R3HDML: variants seen among roughly 807,000 people sequenced by gnomAD.
R3HDML encodes the protein R3H domain containing like.
A neutral mutation model predicts 24.2 loss-of-function variants in R3HDML; 21 were observed. The ratio of observed to expected loss-of-function variants is 0.87; its 90% CI spans 0.62 to 1.25. R3HDML has a LOEUF of 1.25. Ranked by LOEUF, R3HDML falls within the 50% of genes most tolerant of loss-of-function variation. The probability of loss-of-function intolerance (pLI) is 0.00; values close to 1 mark genes in which losing one functional copy is unlikely to be tolerated. For synonymous variants in R3HDML, 133 were observed against 131.5 expected (o/e 1.01, Z -0.08); for missense variants, 301 against 340.3 (o/e 0.88, Z 0.91).
At chr20:44,342,407 G>GC (rs2062774663) in intron 2 of R3HDML, among the ~76,000 whole-genome samples, 1 of 152,002 alleles carries the variant, frequency 6.6e-6, no homozygotes, top group African/African-American at 2.4e-5. Flanking sequence ...GCCCTACAGA[G>GC]CAGACATCGG....
chr20:44,338,074 C>T (rs1277281144), intron 1 of R3HDML, among the ~76,000 whole-genome samples: 2 of 152,158 alleles, frequency 1.3e-5, no homozygotes, highest in Admixed American at 1.3e-4. Flanking sequence ...CTCACTCCAG[C>T]CCCCAAGAAG....
In R3HDML at chr20:44,341,194, A is replaced by G. The variant is rs1030530181; in HGVS notation, c.262-2A>G. ...GGAATTTCATTGCCTTTCTTTCCCC[A>G]GGTCTGGGACAAGCGGCTGGCCAGG... On this transcript the variant is annotated splice_acceptor_variant, in intron 1 of 4. Coordinates refer to ENST00000217043, the MANE Select transcript of R3HDML (RefSeq NM_178491.4). LOFTEE classifies it high-confidence loss of function. 2.5e-6 allele frequency: 4 copies of G among 1,607,078 alleles called. No individual in the cohort carries two copies. The highest frequency in any genetic ancestry group is 3.4e-6 in the Non-Finnish European group (4 of 1,175,502).
Position 44,350,632 on chromosome 20 carries a change from T to C in R3HDML, c.630-28T>C, listed in dbSNP as rs2062807794. The C allele has an allele frequency of 3.7e-6, 6 of 1,605,906 alleles. No homozygotes were observed. In the African/African-American group the frequency reaches 5.4e-5, roughly 14 times the overall value. ...GAAGGTTACTCACCTAATGCTCCTC[T>C]GTCTCCCTGGGTCCTTTTCTCTTCC... On this transcript the variant is annotated intron_variant, in intron 4 of 4. Transcript: ENST00000217043.
In R3HDML at chr20:44,343,413, T is replaced by C; in HGVS notation, c.417T>C (p.Ser139=). The stretch of plus-strand genomic sequence containing the variant: ...TAGTGGATCTCATGAAGTCCTGGTC[T>C]GAGGAGAAGTGGCATTACTTGTTTC... ...RSVVDLMKSW[S]EEKWHYLFPA... is the part of the protein sequence containing the mutation. Residue 139 remains serine, a synonymous_variant, in exon 3 of 5, where the codon TCT becomes TCC. Coordinates refer to ENST00000217043, the MANE Select transcript of R3HDML (RefSeq NM_178491.4). 6.2e-7 allele frequency: 1 copy of C among 1,613,092 alleles called. No individual in the cohort carries two copies. Among genetic ancestry groups the C allele is most frequent in the Non-Finnish European group, 8.5e-7 (1 of 1,179,488 alleles).
Position 44,350,713 on chromosome 20 carries a change from G to T in R3HDML, c.683G>T (p.Cys228Phe), listed in dbSNP as rs2062808313. 1 of 1,613,856 alleles carries T rather than the reference G, an allele frequency of 6.2e-7. No homozygotes were observed. The highest frequency in any genetic ancestry group is 8.5e-7 in the Non-Finnish European group (1 of 1,179,996). ...PYKMGKPCSS[C>F]PPSYQGSCNS... is the part of the protein sequence containing the mutation. ...AAGATGGGAAAGCCGTGCTCCTCCT[G>T]TCCCCCCAGTTATCAAGGCAGCTGC... is the stretch of plus-strand genomic sequence containing the variant. Residue 228 changes from cysteine (C) to phenylalanine (F), a missense_variant, in exon 5 of 5, where the codon TGT (cysteine) becomes TTT (phenylalanine). Physicochemically the swap from Cys to Phe is radical, Grantham distance 205 (BLOSUM62 -2). Transcript: ENST00000217043.
In R3HDML at chr20:44,337,289, G is replaced by C. The variant is rs1334950559; in HGVS notation, c.132G>C (p.Leu44=). The C allele has an allele frequency of 6.2e-7, 1 of 1,614,204 alleles. No individual in the cohort carries two copies. Among genetic ancestry groups the C allele is most frequent in the South Asian group, 1.1e-5 (1 of 91,088 alleles). Residue 44 remains leucine (L), a synonymous_variant, in exon 1 of 5, where the codon CTG becomes CTC. Coordinates refer to ENST00000217043, the MANE Select transcript of R3HDML (RefSeq NM_178491.4). The surrounding 1 kb of genome is among the most constrained non-coding windows in gnomAD (Gnocchi z 4.7). Reference sequence around the variant, plus strand: ...CCGAGAGCACGGCTATGCGGCTCCTGAGTGGCCTGGAGGTGCCCAGGTACC... The same window carrying C: ...CCGAGAGCACGGCTATGCGGCTCCTCAGTGGCCTGGAGGTGCCCAGGTACC... ...AQPESTAMRL[L]SGLEVPRYRR...
chr20:44,343,541 G>T, intron 3 of R3HDML, 32 bp downstream of exon 3: 1 of 1,556,940 alleles, frequency 6.4e-7, no homozygotes, highest in Non-Finnish European at 8.7e-7. Context: ...GGGCCCCTGG[G>T]ATAACACATC....
intron 3 of R3HDML, 54 bp downstream of exon 3, chr20:44,343,563 G>A (rs1166477189): frequency 6.7e-7 from 1 of 1,499,110 alleles, no homozygotes; most frequent in East Asian, 2.5e-5. Context: ...TGGCGCCTTA[G>A]AAGAAAAGGA....
intron 3 of R3HDML, among the ~76,000 whole-genome samples, chr20:44,343,843 A>G (rs965813657): frequency 6.6e-6 from 1 of 152,160 alleles, no homozygotes; most frequent in African/African-American, 2.4e-5. Context: ...ATATATATAT[A>G]AAGAAAGAAA....
chr20:44,343,474 C>A lies in R3HDML; in HGVS notation c.478C>A (p.Arg160Ser). 6.2e-7 allele frequency: 1 copy of A among 1,612,378 alleles called. No homozygotes were observed. The highest frequency in any genetic ancestry group is 8.5e-7 in the Non-Finnish European group (1 of 1,179,204). The change falls in exon 3 of 5, where the codon CGC (arginine) becomes AGC (serine). Residue 160 changes from arginine to serine, a missense_variant. By Grantham distance (110) the Arg-to-Ser change is moderately radical. Coordinates refer to ENST00000217043, the MANE Select transcript of R3HDML (RefSeq NM_178491.4). ...GGACTGTAACCCACACTGCCCCTGG[C>A]GCTGCGATGGCCCCACCTGCTCCCA... The part of the protein sequence containing the change: ...PRDCNPHCPW[R>S]CDGPTCSHYT...
At chr20:44,343,272 G>T in intron 2 of R3HDML, 105 bp from the exon 3 acceptor site, 1 of 1,387,772 alleles carries the variant, frequency 7.2e-7, no homozygotes, top group South Asian at 1.2e-5. Flanking sequence ...AAACTGAGAT[G>T]GGGGAAAGGA....
In R3HDML at chr20:44,350,830, G is replaced by T. The variant is rs774762699; in HGVS notation, c.*38G>T. Reference sequence around the variant, plus strand: ...CTTTGGTGCGCCTCCAGCTGGGCCTGACCCTCCATGTCCTGCCCTCAAAAA... The same window carrying T: ...CTTTGGTGCGCCTCCAGCTGGGCCTTACCCTCCATGTCCTGCCCTCAAAAA... On this transcript the variant is annotated 3_prime_UTR_variant, in exon 5 of 5. Transcript: ENST00000217043. The T allele has an allele frequency of 1.2e-6, 2 of 1,611,460 alleles. No homozygotes were observed. Among genetic ancestry groups the T allele is most frequent in the Non-Finnish European group, 1.7e-6 (2 of 1,178,804 alleles).
Position 44,345,268 on chromosome 20 carries a change from G to A in R3HDML, c.519G>A (p.Val173=), listed in dbSNP as rs1322900396. The change falls in exon 4 of 5, where the codon GTG becomes GTA. Residue 173 remains valine (V), a synonymous_variant. Coordinates refer to ENST00000217043, the MANE Select transcript of R3HDML (RefSeq NM_178491.4). ...CTGTCTCTGTCCTTCACCAGATGGT[G>A]TGGGCATCCTCCAATCGGCTGGGCT... ...GPTCSHYTQM[V]WASSNRLGCA... The A allele has an allele frequency of 1.9e-5, 30 of 1,613,788 alleles. No individual in the cohort carries two copies. Among genetic ancestry groups the A allele is most frequent in the African/African-American group, 2.7e-5 (2 of 74,912 alleles).
chr20:44,350,078 A>G (rs1006916113), intron 4 of R3HDML, among the ~76,000 whole-genome samples: 1 of 152,090 alleles, frequency 6.6e-6, no homozygotes, highest in Non-Finnish European at 1.5e-5. Context: ...TCAGAACAAA[A>G]CAAACAAAAA....
chr20:44,350,882 T>A lies in R3HDML; in HGVS notation c.*90T>A. On this transcript the variant is annotated 3_prime_UTR_variant, in exon 5 of 5. Transcript: ENST00000217043. The stretch of plus-strand genomic sequence containing the variant: ...CTGGGTGGAGAAATAATTGTTTCTT[T>A]AAAGGATATGAGTTAGAATCACCCC... The A allele has an allele frequency of 6.7e-7, 1 of 1,484,266 alleles. No individual in the cohort carries two copies. The highest frequency in any genetic ancestry group is 1.2e-5 in the South Asian group (1 of 84,070). The allele number at this position is 1,484,266 out of a possible 1,614,324, so 91.9% of individuals were successfully genotyped here.
In R3HDML at chr20:44,343,529, G is replaced by A. The variant is rs772824223; in HGVS notation, c.513+20G>A. On this transcript the variant is annotated intron_variant, in intron 3 of 4. Coordinates refer to ENST00000217043, the MANE Select transcript of R3HDML (RefSeq NM_178491.4). The stretch of plus-strand genomic sequence containing the variant: ...ACCCAGGTACTCCTCCGTCAGGGCT[G>A]AGGGCCCCTGGGATAACACATCCTG... 1 of 1,578,290 alleles carries A rather than the reference G, an allele frequency of 6.3e-7. No individual in the cohort carries two copies. The highest frequency in any genetic ancestry group is 2.3e-5 in the East Asian group (1 of 43,622).
chr20:44,350,642 G>A lies in R3HDML; in HGVS notation c.630-18G>A. The A allele has an allele frequency of 1.2e-6, 2 of 1,610,266 alleles. No homozygotes were observed. The highest frequency in any genetic ancestry group is 2.2e-5 in the East Asian group (1 of 44,800). On this transcript the variant is annotated intron_variant, in intron 4 of 4. Coordinates refer to ENST00000217043, the MANE Select transcript of R3HDML (RefSeq NM_178491.4). Reference sequence around the variant, plus strand: ...CACCTAATGCTCCTCTGTCTCCCTGGGTCCTTTTCTCTTCCAGGGGCAACT... The same window carrying A: ...CACCTAATGCTCCTCTGTCTCCCTGAGTCCTTTTCTCTTCCAGGGGCAACT...
intron 4 of R3HDML, among the ~76,000 whole-genome samples, chr20:44,346,293 T>C (rs2062786828): frequency 6.6e-6 from 1 of 152,140 alleles, no homozygotes; most frequent in Non-Finnish European, 1.5e-5. Flanking sequence ...CGCTAATTTT[T>C]TGTAGAGACG....
intron 1 of R3HDML, among the ~76,000 whole-genome samples, chr20:44,339,579 A>ATTGTGTG (rs1555804233): frequency 1.4e-5 from 2 of 147,914 alleles, no homozygotes; most frequent in East Asian, 4.0e-4. Context: ...GCCTATATAT[A>ATTGTGTG]TGTGTGTGTG....
Sources: gnomAD v4.1 joint callset for allele counts (sites outside exome capture counted in the v4.1 genomes callset) on GRCh38, gnomAD v4.1.1 for gene constraint, Gnocchi (gnomAD v3.1) non-coding constraint, MANE v1.5 for transcripts, NCBI Gene and HGNC (gene_info 2026-07-23, HGNC 2026-07-21) for gene names.